The following ALDH1L1 variants were observed in gnomAD, a reference collection of about 807,000 sequenced individuals.
The protein encoded by ALDH1L1 is aldehyde dehydrogenase 1 family member L1, also known as cytosolic 10-formyltetrahydrofolate dehydrogenase.
Under a neutral mutation model 101.1 loss-of-function variants are expected in ALDH1L1, and 68 were observed. The ratio of observed to expected loss-of-function variants is 0.67; its 90% CI spans 0.55 to 0.82. The LOEUF (loss-of-function observed/expected upper bound fraction) is 0.82, where lower values mean the gene tolerates loss of function less well. Among genes scored for constraint, ALDH1L1 ranks in the 40% least tolerant of loss-of-function variants. The pLI is 0.00. For synonymous variants in ALDH1L1, 486 were observed against 470.8 expected (o/e 1.03, Z -0.42); for missense variants, 1,087 against 1,172.7 (o/e 0.93, Z 1.07).
intron 19 of ALDH1L1, among the ~76,000 whole-genome samples, chr3:126,111,715 C>T (rs1019390493): frequency 6.6e-6 from 1 of 152,204 alleles, no homozygotes; most frequent in Admixed American, 6.5e-5. Flanking sequence ...CCGTCTTTTT[C>T]CCTGGTTTCC....
chr3:126,127,148 C>A (rs2080203707), intron 14 of ALDH1L1, among the ~76,000 whole-genome samples: 1 of 152,180 alleles, frequency 6.6e-6, no homozygotes, highest in African/African-American at 2.4e-5. Flanking sequence ...TCTTCTACAG[C>A]AGCCCGAACT....
At chr3:126,137,989 C>A in intron 9 of ALDH1L1, 29 bp from the exon 10 acceptor site, 1 of 1,613,096 alleles carries the variant, frequency 6.2e-7, no homozygotes, top group Non-Finnish European at 8.5e-7. Flanking sequence ...AAGATGGGGA[C>A]ACGGGAGGGG....
At chr3:126,193,579 T>C (rs1300055590) in intron 1 of ALDH1L1, among the ~76,000 whole-genome samples, 5 of 152,210 alleles carry the variant, frequency 3.3e-5, no homozygotes, top group African/African-American at 1.2e-4. Flanking sequence ...GCTTACAGTG[T>C]CCTCATGGTC....
upstream of ALDH1L1, among the ~76,000 whole-genome samples, chr3:126,186,154 CTA>C (rs2081516740): frequency 6.6e-6 from 1 of 152,102 alleles, no homozygotes; most frequent in Non-Finnish European, 1.5e-5. Context: ...GCACTGTGCA[CTA>C]AAGAATAGTT....
chr3:126,187,254 T>C (rs764542956), intron 1 of ALDH1L1, among the ~76,000 whole-genome samples: 8 of 150,562 alleles, frequency 5.3e-5, no homozygotes, highest in Admixed American at 3.3e-4. Flanking sequence ...CTGTGGTTCC[T>C]AAAAACGGGG....
At chr3:126,168,587 A>G (rs1483492346) in intron 1 of ALDH1L1, among the ~76,000 whole-genome samples, 4 of 152,270 alleles carry the variant, frequency 2.6e-5, no homozygotes, top group Admixed American at 2.0e-4. Flanking sequence ...ATTTCATAAT[A>G]TCGAGGGTTT....
At chr3:126,155,270 C>T in intron 5 of ALDH1L1, 132 bp downstream of exon 5, 1 of 714,166 alleles carries the variant, frequency 1.4e-6, no homozygotes, top group Non-Finnish European at 2.2e-6. Flanking sequence ...CTGACCTGGG[C>T]TGCCCTGTGT....
At chr3:126,180,629 G>T, upstream of ALDH1L1, 1 of 1,296,584 alleles carries the variant, frequency 7.7e-7, no homozygotes, top group East Asian at 3.4e-5. Context: ...GAGCCCGTGA[G>T]GGGAGGGGCG....
intron 2 of ALDH1L1, chr3:126,160,450 CTA>C (rs1553762731): frequency 1.7e-5 from 3 of 180,452 alleles, no homozygotes; most frequent in Non-Finnish European, 3.5e-5. Context: ...AAGTAGAGCA[CTA>C]TGTGTTTTGA....
At chr3:126,122,901 CAG>C (rs1402346577) in intron 16 of ALDH1L1, among the ~76,000 whole-genome samples, 5 of 151,800 alleles carry the variant, frequency 3.3e-5, no homozygotes, top group Non-Finnish European at 7.4e-5. Flanking sequence ...GCAGGAGAAA[CAG>C]AGGGAAAAAA....
At chr3:126,194,995 A>T (rs1347402909) in intron 1 of ALDH1L1, among the ~76,000 whole-genome samples, 1 of 151,882 alleles carries the variant, frequency 6.6e-6, no homozygotes, top group Non-Finnish European at 1.5e-5. Flanking sequence ...CTTTTTAAAC[A>T]ACTAGTTATT....
intron 17 of ALDH1L1, among the ~76,000 whole-genome samples, chr3:126,117,683 AC>A (rs369654122): frequency 0.046 from 6,681 of 144,576 alleles, 458 homozygotes; most frequent in African/African-American, 0.16. Flanking sequence ...ACAAAAAAAA[AC>A]CCCAAACATC....
chr3:126,130,798 G>A (rs555956403), intron 13 of ALDH1L1, among the ~76,000 whole-genome samples: 1 of 152,352 alleles, frequency 6.6e-6, no homozygotes, highest in Non-Finnish European at 1.5e-5. Flanking sequence ...ACCTCCCCAG[G>A]GAGCCTCTAC....
intron 11 of ALDH1L1, 71 bp downstream of exon 11, chr3:126,136,693 C>T: frequency 6.5e-7 from 1 of 1,543,762 alleles, no homozygotes. Flanking sequence ...CCCCCAGAGG[C>T]CAGTGGGGGC....
At position 126,154,627 on chromosome 3, in the gene ALDH1L1, G is replaced by T. The variant is rs150865017; in HGVS notation, c.647C>A (p.Pro216Gln). 1 of 1,614,094 alleles carries T rather than the reference G, an allele frequency of 6.2e-7. No homozygotes were observed. The highest frequency in any genetic ancestry group is 2.2e-5 in the East Asian group (1 of 44,868). Residue 216 changes from proline to glutamine, a missense_variant, in exon 6 of 23, where the codon CCG becomes CAG. Physicochemically the swap from Pro to Gln is moderately conservative, Grantham distance 76. This residue lies in a region of ALDH1L1 where 645 missense variants were observed against 637.0 expected (regional missense o/e 1.01). Transcript: ENST00000393434. ...GATCCAGTTGTGAATGGCCTCTGCC[G>T]GCTGGTCCCAGTTGATCTGTGGGGA... ...KETAKINWDQ[P>Q]AEAIHNWIRG...
At chr3:126,140,847 A>C (rs942579044) in intron 9 of ALDH1L1, among the ~76,000 whole-genome samples, 1 of 152,048 alleles carries the variant, frequency 6.6e-6, no homozygotes, top group Non-Finnish European at 1.5e-5. Flanking sequence ...ACCAAATACA[A>C]AAAAGGACAG....
rs895519887 is a variant in ALDH1L1, at chr3:126,150,408, G to A, written c.982C>T (p.Arg328Trp). ...GCAGCCCTGAAGTTGCCTCTTACCC[G>A]CACAGCCTCCGCAGTAACCAGCTCT... ...EAELVTAEAV[R>W]SVWQRILPKV... The change falls in exon 8 of 23, where the codon CGG (arginine) becomes TGG (tryptophan). Residue 328 changes from arginine (R) to tryptophan (W), a missense_variant and splice_region_variant. Physicochemically the swap from Arg to Trp is moderately radical, Grantham distance 101. Coordinates refer to ENST00000393434, the MANE Select transcript of ALDH1L1 (RefSeq NM_012190.4). The A allele has an allele frequency of 2.2e-5, 34 of 1,550,638 alleles. No individual in the cohort carries two copies. The highest frequency in any genetic ancestry group is 5.5e-5 in the African/African-American group (4 of 73,014).
chr3:126,127,168 A>G (rs926191694), intron 14 of ALDH1L1, among the ~76,000 whole-genome samples: 1 of 152,064 alleles, frequency 6.6e-6, no homozygotes, highest in African/African-American at 2.4e-5. Flanking sequence ...TGACGCCCAC[A>G]CTCACTGGTT....
chr3:126,184,035 A>G (rs2081497113), upstream of ALDH1L1, among the ~76,000 whole-genome samples: 1 of 152,212 alleles, frequency 6.6e-6, no homozygotes, highest in African/African-American at 2.4e-5. Flanking sequence ...CTGCCTTTGA[A>G]TGTAGGCTGA....
Sources: allele counts gnomAD v4.1 joint callset (sites outside exome capture counted in the v4.1 genomes callset), GRCh38; gene constraint gnomAD v4.1.1; regional missense constraint gnomAD v4.1.1; transcripts MANE v1.5; gene names NCBI Gene and HGNC (gene_info 2026-07-23, HGNC 2026-07-21).